The following COA1 variants were observed in gnomAD, a reference collection of about 807,000 sequenced individuals.
COA1 encodes the protein cytochrome c oxidase assembly factor 1 homolog.
In COA1, 13 loss-of-function variants were observed where a neutral mutation model predicts 16.0. The observed-to-expected ratio is 0.81, with a 90% CI of 0.53 to 1.29. The LOEUF (loss-of-function observed/expected upper bound fraction) is 1.29. COA1 is among the 50% of genes most tolerant of loss of function. The pLI, the probability that COA1 is intolerant of heterozygous loss-of-function variation, is 0.00. For synonymous variants in COA1, 65 were observed against 65.7 expected, an observed-to-expected ratio of 0.99 and a Z score of 0.05; for missense variants, 179 against 177.0, an observed-to-expected ratio of 1.01 and a Z score of -0.06.
At chr7:43,629,755 G>C (rs1203504501) in intron 6 of COA1, among the ~76,000 whole-genome samples, 1 of 152,150 alleles carries the variant, frequency 6.6e-6, no homozygotes, top group Non-Finnish European at 1.5e-5. Flanking sequence ...TAATGGAATC[G>C]CAGAGGGAAT....
intron 6 of COA1, chr7:43,626,867 TA>T (rs1239679174): frequency 6.6e-6 from 1 of 152,218 alleles, no homozygotes; most frequent in Non-Finnish European, 1.5e-5. Flanking sequence ...CTGTTGTGCT[TA>T]AATACTGAGT....
At chr7:43,622,571 A>C in intron 6 of COA1, 1 of 151,188 alleles carries the variant, frequency 6.6e-6, no homozygotes, top group Non-Finnish European at 1.5e-5. Flanking sequence ...ATCTTTAGTT[A>C]AGTGGATTGT....
At chr7:43,713,914 C>G (rs1001680077) in intron 1 of COA1, among the ~76,000 whole-genome samples, 1 of 152,078 alleles carries the variant, frequency 6.6e-6, no homozygotes, top group African/African-American at 2.4e-5. Context: ...TGGCGCACAC[C>G]CATAATCCCA....
downstream of COA1, among the ~76,000 whole-genome samples, chr7:43,635,147 T>C (rs1394839540): frequency 2.0e-5 from 3 of 152,176 alleles, no homozygotes; most frequent in African/African-American, 4.8e-5. Flanking sequence ...ATAACTTTTA[T>C]ATAATTTTAT....
chr7:43,646,600 C>T, intron 3 of COA1: 1 of 456,746 alleles, frequency 2.2e-6, no homozygotes, highest in South Asian at 1.5e-5. Context: ...GAAAGGCTGT[C>T]ACACCAGAAA....
chr7:43,634,411 G>C (rs1297191543), downstream of COA1, among the ~76,000 whole-genome samples: 2 of 152,202 alleles, frequency 1.3e-5, no homozygotes, highest in Admixed American at 1.3e-4. Context: ...AATACAGGCA[G>C]GGGGAGGGGT....
chr7:43,610,763 T>C (rs1306956651), intron 6 of COA1, among the ~76,000 whole-genome samples: 1 of 152,142 alleles, frequency 6.6e-6, no homozygotes, highest in East Asian at 1.9e-4. Flanking sequence ...CATATATGTA[T>C]ATATTTAATA....
chr7:43,677,471 T>C (rs1007660198), intron 1 of COA1, among the ~76,000 whole-genome samples: 1 of 152,178 alleles, frequency 6.6e-6, no homozygotes, highest in Non-Finnish European at 1.5e-5. Flanking sequence ...CAGGAATGCT[T>C]TAATGATTCC....
At chr7:43,636,852 A>G (rs1173963848), downstream of COA1, among the ~76,000 whole-genome samples, 1 of 152,234 alleles carries the variant, frequency 6.6e-6, no homozygotes, top group Non-Finnish European at 1.5e-5. Context: ...TGAAACCTTC[A>G]TTAACAGTAG....
intron 1 of COA1, among the ~76,000 whole-genome samples, chr7:43,679,191 C>T (rs896185121): frequency 6.2e-5 from 9 of 145,114 alleles, no homozygotes; most frequent in African/African-American, 1.3e-4. Context: ...CACTTGAACT[C>T]GGGAGGCGGA....
chr7:43,624,933 G>GT, intron 6 of COA1: 1 of 1,144,148 alleles, frequency 8.7e-7, no homozygotes, highest in South Asian at 1.6e-5. Context: ...TGTACTGGAA[G>GT]TGGATAACCA....
At chr7:43,694,265 A>G (rs2094463452) in intron 1 of COA1, among the ~76,000 whole-genome samples, 1 of 151,536 alleles carries the variant, frequency 6.6e-6, no homozygotes, top group African/African-American at 2.4e-5. Context: ...CTTTAAAAAA[A>G]AAAAAAAGCA....
intron 6 of COA1, among the ~76,000 whole-genome samples, chr7:43,610,824 AG>A (rs2082803914): frequency 6.6e-6 from 1 of 151,914 alleles, no homozygotes; most frequent in South Asian, 2.1e-4. Flanking sequence ...ACTCTCAAGA[AG>A]GAGTGTACAG....
chr7:43,711,227 A>G (rs757108210), intron 1 of COA1, among the ~76,000 whole-genome samples: 3 of 152,150 alleles, frequency 2.0e-5, no homozygotes, highest in Non-Finnish European at 2.9e-5. Flanking sequence ...GTAACTAATC[A>G]GAGACCAACA....
At chr7:43,636,925 C>T (rs2085973006), downstream of COA1, among the ~76,000 whole-genome samples, 1 of 152,220 alleles carries the variant, frequency 6.6e-6, no homozygotes, top group African/African-American at 2.4e-5. Flanking sequence ...TCAACAGTGG[C>T]ATTCACACAC....
intron 6 of COA1, chr7:43,619,498 C>T: frequency 7.1e-7 from 1 of 1,406,260 alleles, no homozygotes; most frequent in Non-Finnish European, 9.7e-7. Flanking sequence ...TTAAATTCCT[C>T]AGTCTCAGTT....
chr7:43,683,362 G>C (rs2093858365), intron 1 of COA1, among the ~76,000 whole-genome samples: 1 of 152,160 alleles, frequency 6.6e-6, no homozygotes, highest in Non-Finnish European at 1.5e-5. Context: ...GCCAGGCACA[G>C]TGGCTCACGC....
intron 1 of COA1, among the ~76,000 whole-genome samples, chr7:43,651,419 A>G (rs927388316): frequency 6.6e-6 from 1 of 152,204 alleles, no homozygotes; most frequent in Non-Finnish European, 1.5e-5. Context: ...CCAAAGGCAA[A>G]TAGTTTATAA....
intron 1 of COA1, among the ~76,000 whole-genome samples, chr7:43,669,519 G>A (rs747648025): frequency 6.6e-6 from 1 of 152,220 alleles, no homozygotes; most frequent in South Asian, 2.1e-4. Context: ...AAAAGCTAGG[G>A]TGGGAGGGCC....
Sources: gnomAD v4.1 joint callset for allele counts (sites outside exome capture counted in the v4.1 genomes callset) on GRCh38, gnomAD v4.1.1 for gene constraint, MANE v1.5 for transcripts, NCBI Gene and HGNC (gene_info 2026-07-23, HGNC 2026-07-21) for gene names.